Variants in MYH15 observed in about 807,000 individuals in gnomAD.
The protein encoded by MYH15 is myosin-15.
A neutral mutation model predicts 240.5 loss-of-function variants in MYH15; 227 were observed. That is an observed-to-expected ratio of 0.94 (90% CI 0.85 to 1.05). The LOEUF is 1.05. Among genes scored for constraint, MYH15 ranks in the 50% least tolerant of loss-of-function variants. The pLI is 0.00. For missense variants in MYH15, 2,217 were observed against 2,247.5 expected, an observed-to-expected ratio of 0.99 and a Z score of 0.27; for synonymous variants, 785 against 796.7, an observed-to-expected ratio of 0.99 and a Z score of 0.25.
At position 108,399,092 on chromosome 3, in the gene MYH15, G is replaced by T. The variant is rs1177191360; in HGVS notation, c.4912C>A (p.Leu1638Ile). The change falls in exon 34 of 41, where the codon CTT becomes ATT. Residue 1638 changes from leucine to isoleucine, a missense_variant. Transcript: ENST00000693548. Reference protein sequence around the residue: ...VSEATKSLGQLQIQIKDLQMQ... With the variant: ...VSEATKSLGQIQIQIKDLQMQ... ...TAAAATACCTTGATTTGAATCTGAA[G>T]CTGGCCCAGGGATTTGGTTGCTTCT... 6.2e-7 allele frequency: 1 copy of T among 1,613,522 alleles called. No individual in the cohort carries two copies. The highest frequency in any genetic ancestry group is 1.1e-5 in the South Asian group (1 of 91,034).
chr3:108,525,445 A>T (rs540050793), intron 1 of MYH15, among the ~76,000 whole-genome samples: 1 of 152,236 alleles, frequency 6.6e-6, no homozygotes, highest in Non-Finnish European at 1.5e-5. Flanking sequence ...ATTTTCTGTC[A>T]GCCAGAATGA....
chr3:108,466,468 A>C (rs1576251288), intron 14 of MYH15, among the ~76,000 whole-genome samples: 1 of 152,322 alleles, frequency 6.6e-6, no homozygotes, highest in Middle Eastern at 3.4e-3. Context: ...CCTAAAATTA[A>C]GGCCCAACAT....
At chr3:108,515,919 T>C (rs9839361) in intron 1 of MYH15, among the ~76,000 whole-genome samples, 2,908 of 152,228 alleles carry the variant, frequency 0.019, 102 homozygotes, top group African/African-American at 0.067. Context: ...AATTGTCTAT[T>C]TAGATGGTGA....
chr3:108,492,646 T>C (rs2083360285), intron 8 of MYH15, 51 bp from the exon 9 acceptor site: 6 of 1,421,502 alleles, frequency 4.2e-6, no homozygotes, highest in Non-Finnish European at 5.9e-6. Flanking sequence ...TCTTGCAAAA[T>C]GTAGAAGAAA....
At chr3:108,498,387 T>C (rs767780931) in intron 5 of MYH15, among the ~76,000 whole-genome samples, 7 of 152,162 alleles carry the variant, frequency 4.6e-5, no homozygotes, top group Non-Finnish European at 8.8e-5. Context: ...TTTTTGTAAA[T>C]ATTAGGAAGC....
chr3:108,381,323 C>T lies in MYH15; in HGVS notation c.*222G>A. The stretch of plus-strand genomic sequence containing the variant: ...CATTTATTTAATCTGTCATGTGAAG[C>T]ATTAGAAGGTAGTTTACTTGCATTT... On this transcript the variant is annotated 3_prime_UTR_variant, in exon 41 of 41. Coordinates refer to ENST00000693548, the MANE Select transcript of MYH15 (RefSeq NM_014981.3). 8.4e-6 allele frequency: 5 copies of T among 592,670 alleles called. No homozygotes were observed. The highest frequency in any genetic ancestry group is 8.3e-5 in the South Asian group (4 of 48,246). 36.7% of individuals were successfully genotyped at this position (592,670 alleles called of 1,614,324 possible).
Position 108,381,573 on chromosome 3 carries a change from T to A in MYH15, c.5767-14A>T. 1 of 1,613,374 alleles carries A rather than the reference T, an allele frequency of 6.2e-7. No individual in the cohort carries two copies. Among genetic ancestry groups the A allele is most frequent in the Non-Finnish European group, 8.5e-7 (1 of 1,179,328 alleles). ...TTCTTCTTGAACCTGAAAAACAGAA[T>A]GTCAGTGTGTTCTGTGAATTTCCTG... On this transcript the variant is annotated splice_polypyrimidine_tract_variant and intron_variant, in intron 40 of 40. Coordinates refer to ENST00000693548, the MANE Select transcript of MYH15 (RefSeq NM_014981.3).
At position 108,437,665 on chromosome 3, in the gene MYH15, C is replaced by T; in HGVS notation, c.3110G>A (p.Arg1037Lys). The T allele has an allele frequency of 6.2e-7, 1 of 1,613,854 alleles. No homozygotes were observed. Among genetic ancestry groups the T allele is most frequent in the Non-Finnish European group, 8.5e-7 (1 of 1,179,938 alleles). ...EGALEQERKA[R>K]MNCERELHKL... ...GTGCAGTTCCCTTTCACAGTTCATT[C>T]TCGCTTTTCTCTCCTGCTCAAGGGC... is the stretch of plus-strand genomic sequence containing the variant. The change falls in exon 25 of 41, where the codon AGA becomes AAA. Residue 1037 changes from arginine to lysine, a missense_variant. Coordinates refer to ENST00000693548, the MANE Select transcript of MYH15 (RefSeq NM_014981.3).
chr3:108,469,095 G>A (rs1242565975), intron 14 of MYH15, among the ~76,000 whole-genome samples: 1 of 152,152 alleles, frequency 6.6e-6, no homozygotes, highest in African/African-American at 2.4e-5. Context: ...ATCTACTCCT[G>A]TTGGAAATAA....
chr3:108,457,796 G>A (rs958373693), intron 18 of MYH15, among the ~76,000 whole-genome samples: 3 of 152,222 alleles, frequency 2.0e-5, no homozygotes, highest in African/African-American at 7.2e-5. Context: ...CACTTTCAGA[G>A]GCTGAGGCGG....
Position 108,430,847 on chromosome 3 carries a change from C to A in MYH15, c.3297G>T (p.Thr1099=). ...AATTGATTACCTGAAGCTCTTTAACCGTCTTCTGAAGCTGAGCTACCAGGC... is the reference window on the plus strand; with the variant it reads ...AATTGATTACCTGAAGCTCTTTAACAGTCTTCTGAAGCTGAGCTACCAGGC... The part of the protein sequence containing the change: ...EKGLVAQLQK[T]VKELQTQIKD... Residue 1099 remains threonine (T), a synonymous_variant, in exon 26 of 41, where the codon ACG becomes ACT. Transcript: ENST00000693548. 1.2e-6 allele frequency: 2 copies of A among 1,611,488 alleles called. No individual in the cohort carries two copies. Among genetic ancestry groups the A allele is most frequent in the Non-Finnish European group, 1.7e-6 (2 of 1,179,196 alleles).
chr3:108,480,316 T>C (rs2083256782), intron 11 of MYH15, among the ~76,000 whole-genome samples: 1 of 152,160 alleles, frequency 6.6e-6, no homozygotes, highest in African/African-American at 2.4e-5. Context: ...CCACAGGCGT[T>C]GAAGAGTACA....
chr3:108,550,063 TCAAA>T, the MYH15 span: 5 of 151,888 alleles, frequency 3.3e-5, no homozygotes, highest in African/African-American at 1.2e-4. Flanking sequence ...TTCACTTAAA[TCAAA>T]CAGACATATG....
At chr3:108,471,057 A>AAGGGAGGGAGGG (rs1415762104) in intron 12 of MYH15, among the ~76,000 whole-genome samples, 2 of 3,446 alleles carry the variant, frequency 5.8e-4, no homozygotes, top group Admixed American at 7.2e-3. Flanking sequence ...GAGAAAGAGG[A>AAGGGAGGGAGGG]AGGAAGGGAG....
At chr3:108,382,037 T>A (rs964198449) in intron 40 of MYH15, among the ~76,000 whole-genome samples, 2 of 152,228 alleles carry the variant, frequency 1.3e-5, no homozygotes, top group African/African-American at 4.8e-5. Flanking sequence ...CTTCACTCAC[T>A]CTGTTCTTTG....
intron 11 of MYH15, among the ~76,000 whole-genome samples, chr3:108,477,157 T>C (rs2083228545): frequency 6.6e-6 from 1 of 152,166 alleles, no homozygotes; most frequent in Non-Finnish European, 1.5e-5. Context: ...AATGAAGTAT[T>C]GATGTGCACT....
At chr3:108,530,866 T>C (rs543846364), upstream of MYH15, among the ~76,000 whole-genome samples, 14 of 152,298 alleles carry the variant, frequency 9.2e-5, no homozygotes, top group African/African-American at 3.4e-4. Flanking sequence ...AACATTACAA[T>C]AGTTATTATA....
chr3:108,430,604 A>C (rs1235341573), intron 26 of MYH15, among the ~76,000 whole-genome samples: 1 of 152,214 alleles, frequency 6.6e-6, no homozygotes, highest in Non-Finnish European at 1.5e-5. Context: ...GGTTCACAGC[A>C]AACAGTCAAC....
chr3:108,385,840 G>A (rs1481474174), intron 38 of MYH15, among the ~76,000 whole-genome samples: 1 of 150,358 alleles, frequency 6.7e-6, no homozygotes, highest in Non-Finnish European at 1.5e-5. Context: ...TGTTTCCCCA[G>A]AGCTCCCCTG....
Sources: allele counts gnomAD v4.1 joint callset (sites outside exome capture counted in the v4.1 genomes callset), GRCh38; gene constraint gnomAD v4.1.1; transcripts MANE v1.5; gene names NCBI Gene and HGNC (gene_info 2026-07-23, HGNC 2026-07-21).